The following CD44 variants were observed in gnomAD, a reference collection of about 807,000 sequenced individuals.
CD44 encodes the protein CD44 antigen.
CD44 carries 49 observed loss-of-function variants against 88.8 expected under a neutral mutation model. The observed-to-expected ratio is 0.55, with a 90% CI of 0.44 to 0.70. CD44 has a LOEUF of 0.70. CD44 is among the 30% of genes least tolerant of loss of function. CD44 has a pLI of 0.00. For synonymous variants in CD44, 325 were observed against 312.3 expected, an observed-to-expected ratio of 1.04 and a Z score of -0.43; for missense variants, 883 against 913.8, an observed-to-expected ratio of 0.97 and a Z score of 0.43.
intron 1 of CD44, 45 bp from the exon 2 acceptor site, chr11:35,176,530 A>G (rs965689724): frequency 1.3e-6 from 2 of 1,570,076 alleles, no homozygotes; most frequent in Admixed American, 1.8e-5. Flanking sequence ...ACTGTCTCCA[A>G]ATTATTTATG....
intron 4 of CD44, among the ~76,000 whole-genome samples, chr11:35,187,689 T>C (rs1351008529): frequency 6.6e-6 from 1 of 152,194 alleles, no homozygotes; most frequent in Non-Finnish European, 1.5e-5. Flanking sequence ...TAAAGAGGGA[T>C]TAATAAGTGT....
intron 2 of CD44, 120 bp from the exon 3 acceptor site, chr11:35,180,154 C>A: frequency 2.1e-6 from 2 of 941,046 alleles, no homozygotes; most frequent in African/African-American, 1.6e-5. Flanking sequence ...TTGAAACCTC[C>A]GATATCCCTA....
At chr11:35,149,380 C>T (rs1859859539) in intron 1 of CD44, among the ~76,000 whole-genome samples, 1 of 152,162 alleles carries the variant, frequency 6.6e-6, no homozygotes, top group Non-Finnish European at 1.5e-5. Flanking sequence ...TGGAACAAGA[C>T]GGGAGGACCC....
rs953248771 is a variant in CD44 at position 35,196,876 on chromosome 11, T to C, written c.796+2T>C. Reference sequence around the variant, plus strand: ...TTCACACAACAACACAAATGGCTGGTAATGAGTTATTATTATCTCATAGCG... The same window carrying C: ...TTCACACAACAACACAAATGGCTGGCAATGAGTTATTATTATCTCATAGCG... On this transcript the variant is annotated splice_donor_variant, in intron 6 of 17. Coordinates refer to ENST00000428726, the MANE Select transcript of CD44 (RefSeq NM_000610.4). LOFTEE classifies it high-confidence loss of function. The C allele has an allele frequency of 1.2e-6, 2 of 1,612,864 alleles. No individual in the cohort carries two copies. Among genetic ancestry groups the C allele is most frequent in the Non-Finnish European group, 1.7e-6 (2 of 1,179,240 alleles).
chr11:35,207,520 G>T (rs781017080), intron 11 of CD44, among the ~76,000 whole-genome samples: 1 of 152,176 alleles, frequency 6.6e-6, no homozygotes, highest in Admixed American at 6.5e-5. Flanking sequence ...TTTAAAGACC[G>T]CTTATACTTG....
intron 1 of CD44, among the ~76,000 whole-genome samples, chr11:35,165,337 C>T (rs1943137327): frequency 6.6e-6 from 1 of 152,214 alleles, no homozygotes. Context: ...ATTAGCAGAA[C>T]TGGAAAATCT....
intron 1 of CD44, among the ~76,000 whole-genome samples, chr11:35,166,896 G>A (rs769172903): frequency 9.8e-5 from 15 of 152,324 alleles, no homozygotes; most frequent in Non-Finnish European, 1.9e-4. Flanking sequence ...AAGGCGATTC[G>A]GCCACCAAGT....
At position 35,147,710 on chromosome 11, in the gene CD44, G is replaced by T. The variant is rs148121988; in HGVS notation, c.67+8340G>T. ...CACACACCAATCGTGGAACTAGGCA[G>T]CATCTTTTTCCACTTCCTTTCCAAG... is the stretch of plus-strand genomic sequence containing the variant. On this transcript the variant is annotated intron_variant, in intron 1 of 17. Transcript: ENST00000428726. Among the ~76,000 whole-genome samples the T allele has an allele frequency of 3.0e-4, 46 of 152,112 alleles. 1 individual carries two copies. The highest frequency in any genetic ancestry group is 9.6e-4 in the African/African-American group (40 of 41,454).
At chr11:35,208,291 G>A in intron 12 of CD44, 85 bp downstream of exon 12, 1 of 924,784 alleles carries the variant, frequency 1.1e-6, no homozygotes, top group Non-Finnish European at 1.8e-6. Context: ...GCAGAGCTTT[G>A]GTGGTGGAAT....
chr11:35,143,148 A>T (rs1858345359), intron 1 of CD44, among the ~76,000 whole-genome samples: 1 of 152,108 alleles, frequency 6.6e-6, no homozygotes, highest in Non-Finnish European at 1.5e-5. Context: ...TTAATACAAT[A>T]ATAATGATAT....
intron 3 of CD44, among the ~76,000 whole-genome samples, chr11:35,183,112 A>G (rs1407276829): frequency 6.6e-6 from 1 of 152,200 alleles, no homozygotes; most frequent in African/African-American, 2.4e-5. Flanking sequence ...ACTAAAATGG[A>G]TGAATTAAAT....
intron 2 of CD44, chr11:35,177,037 C>T (rs1387057592): frequency 3.1e-6 from 1 of 318,208 alleles, no homozygotes; most frequent in Admixed American, 4.8e-5. Context: ...TTTGAAGAAG[C>T]TGCAGTATCA....
At chr11:35,228,723 G>T (rs920124063) in intron 17 of CD44, among the ~76,000 whole-genome samples, 10 of 152,146 alleles carry the variant, frequency 6.6e-5, no homozygotes, top group Admixed American at 2.6e-4. Context: ...CGGCTTCCTG[G>T]AGTCTTAGTT....
At chr11:35,208,014 G>GGCC in intron 11 of CD44, 91 bp from the exon 12 acceptor site, 2 of 756,422 alleles carry the variant, frequency 2.6e-6, no homozygotes, top group Non-Finnish European at 4.8e-6. Context: ...GGCCAGATGT[G>GGCC]AATATTTAAA....
At chr11:35,144,138 G>A (rs922937841) in intron 1 of CD44, among the ~76,000 whole-genome samples, 1 of 152,210 alleles carries the variant, frequency 6.6e-6, no homozygotes, top group Non-Finnish European at 1.5e-5. Flanking sequence ...ATGCTTCAAG[G>A]CTGGGGTCCC....
At chr11:35,226,441 C>G (rs892398263) in intron 17 of CD44, among the ~76,000 whole-genome samples, 2 of 152,198 alleles carry the variant, frequency 1.3e-5, no homozygotes, top group African/African-American at 2.4e-5. Flanking sequence ...AAGCAGTATT[C>G]TACCTTGAGC....
Position 35,206,211 on chromosome 11 carries a change from T to G in CD44, c.1382T>G (p.Met461Arg), listed in dbSNP as rs79985395. The change falls in exon 11 of 18, where the codon ATG becomes AGG. Residue 461 changes from methionine to arginine, a missense_variant. Transcript: ENST00000428726. ...TDFFNPISHPMGRGHQAGRRM... is the reference protein window; with the variant it reads ...TDFFNPISHPRGRGHQAGRRM... ...TTCTTCAACCCAATCTCACACCCCA[T>G]GGGACGAGGTCATCAAGCAGGAAGA... The G allele has an allele frequency of 1.2e-4, 196 of 1,611,130 alleles. 4 individuals carry two copies. In the South Asian group the frequency reaches 1.8e-3, roughly 15 times the overall value.
intron 1 of CD44, among the ~76,000 whole-genome samples, chr11:35,172,266 C>T (rs1943993517): frequency 6.6e-6 from 1 of 152,152 alleles, no homozygotes; most frequent in Admixed American, 6.5e-5. Flanking sequence ...GGCCATGTTT[C>T]ATCTCCTGTT....
Position 35,179,138 on chromosome 11 carries a change from G to A in CD44, c.234-1136G>A, listed in dbSNP as rs142643371. Among the ~76,000 whole-genome samples the A allele has an allele frequency of 5.3e-3, 802 of 152,364 alleles. 6 individuals are homozygous for A. The highest frequency in any genetic ancestry group is 8.5e-3 in the Non-Finnish European group (576 of 68,036). ...AGCTACAATTGCCACATAGGTAGGA[G>A]TTCTGTGTGCTTGGAAACTTCAGAC... On this transcript the variant is annotated intron_variant, in intron 2 of 17. Transcript: ENST00000428726.
Sources: allele counts gnomAD v4.1 joint callset (sites outside exome capture counted in the v4.1 genomes callset), GRCh38; gene constraint gnomAD v4.1.1; transcripts MANE v1.5; gene names NCBI Gene and HGNC (gene_info 2026-07-23, HGNC 2026-07-21).